The following TMEM204 variants were observed in gnomAD, a reference collection of about 807,000 sequenced individuals.
TMEM204 encodes the protein claudin-like protein 24.
In TMEM204, 15 loss-of-function variants were observed where a neutral mutation model predicts 19.4. The ratio of observed to expected loss-of-function variants is 0.77; its 90% confidence interval spans 0.52 to 1.19. The LOEUF is 1.19. Ranked by LOEUF, TMEM204 falls within the 50% of genes most tolerant of loss-of-function variation. The pLI, the probability that TMEM204 is intolerant of heterozygous loss-of-function variation, is 0.00. For synonymous variants in TMEM204, 161 were observed against 146.0 expected, an observed-to-expected ratio of 1.10 and a Z score of -0.74; for missense variants, 287 against 321.2, an observed-to-expected ratio of 0.89 and a Z score of 0.81.
intron 2 of TMEM204, among the ~76,000 whole-genome samples, chr16:1,545,491 C>T (rs984160271): frequency 6.6e-6 from 1 of 152,218 alleles, no homozygotes; most frequent in African/African-American, 2.4e-5. Context: ...TTTCTTCTAT[C>T]ATGTTGCTAA....
At position 1,538,348 on chromosome 16, in the gene TMEM204, C is replaced by G. The variant is rs748500328; in HGVS notation, c.281-3573C>G. Among the ~76,000 whole-genome samples, 28 of 152,170 alleles carry G rather than the reference C, an allele frequency of 1.8e-4. 1 individual carries two copies. Among genetic ancestry groups the G allele is most frequent in the Non-Finnish European group, 3.2e-4 (22 of 68,020 alleles). The stretch of plus-strand genomic sequence containing the variant: ...AAGGCTGAGAGGCCAGGGCTGAGGG[C>G]GAGAGGACAGGTCAGGGGTGCGTCT... On this transcript the variant is annotated intron_variant, in intron 1 of 2. Coordinates refer to ENST00000566264, the MANE Select transcript of TMEM204 (RefSeq NM_024600.6).
chr16:1,531,473 G>A (rs1277842450), upstream of TMEM204: 1 of 152,268 alleles, frequency 6.6e-6, no homozygotes, highest in East Asian at 1.9e-4. This position sits in a 1 kb window ranked among gnomAD's most constrained non-coding sequence, Gnocchi z 4.7. Context: ...GGAGCCGCAG[G>A]CACATATGTG....
chr16:1,540,138 G>A (rs1332102570), intron 1 of TMEM204, among the ~76,000 whole-genome samples: 1 of 152,202 alleles, frequency 6.6e-6, no homozygotes, highest in African/African-American at 2.4e-5. Context: ...AGACTGAGAC[G>A]ATCCCACACA....
chr16:1,553,957 A>G lies in TMEM204; in HGVS notation c.437-825A>G, dbSNP rs2032884328. On this transcript the variant is annotated intron_variant, in intron 2 of 2. Coordinates refer to ENST00000566264, the MANE Select transcript of TMEM204 (RefSeq NM_024600.6). The surrounding 1 kb of genome is among the most constrained non-coding windows in gnomAD (Gnocchi z 4.4). ...AAGATAAAACTGTAAGTGAAACTGT[A>G]GCATCAGCGACTAACTAGACGGGAA... 2.3e-6 allele frequency: 3 copies of G among 1,287,002 alleles called. No homozygotes were observed. The East Asian group carries it at 1.7e-4, about 71-fold the overall frequency. The allele number at this position is 1,287,002 out of a possible 1,614,324, so 79.7% of individuals were successfully genotyped here.
intron 2 of TMEM204, among the ~76,000 whole-genome samples, chr16:1,546,437 C>A (rs987892002): frequency 6.6e-6 from 1 of 152,184 alleles, no homozygotes; most frequent in African/African-American, 2.4e-5. Context: ...CCTGGACGAG[C>A]CCCCCTTCCC....
intron 1 of TMEM204, 34 bp from the exon 2 acceptor site, chr16:1,541,887 C>A: frequency 6.4e-7 from 1 of 1,555,784 alleles, no homozygotes. Flanking sequence ...AGCCCACCTG[C>A]ACTCACCACT....
rs755201106 is a variant in TMEM204 at position 1,555,014 on chromosome 16, G to A, written c.669G>A (p.Glu223=). The change falls in exon 3 of 3, where the codon GAG becomes GAA. Residue 223 remains glutamate, a synonymous_variant. Coordinates refer to ENST00000566264, the MANE Select transcript of TMEM204 (RefSeq NM_024600.6). Reference sequence around the variant, plus strand: ...GTGGGCTGGACAATGACTACGTGGAGTCACCATGCTGAGTCGCCCTTCTCA... The same window carrying A: ...GTGGGCTGGACAATGACTACGTGGAATCACCATGCTGAGTCGCCCTTCTCA... ...FRRGLDNDYV[E]SPC 3 of 1,611,222 alleles carry A rather than the reference G, an allele frequency of 1.9e-6. No individual in the cohort carries two copies. The highest frequency in any genetic ancestry group is 2.5e-6 in the Non-Finnish European group (3 of 1,179,128).
At chr16:1,529,484 C>T (rs532864456), upstream of TMEM204, among the ~76,000 whole-genome samples, 2 of 152,324 alleles carry the variant, frequency 1.3e-5, no homozygotes, top group African/African-American at 4.8e-5. Flanking sequence ...GCATGGGACC[C>T]CAGGGAGGTG....
chr16:1,540,765 T>A (rs2031555763), intron 1 of TMEM204: 2 of 919,686 alleles, frequency 2.2e-6, no homozygotes, highest in Non-Finnish European at 1.3e-6. Flanking sequence ...GCAAGTCATT[T>A]AAAAAGGTGC....
In TMEM204 at chr16:1,552,880, C is replaced by T. The variant is rs1050990242; in HGVS notation, c.437-1902C>T. The stretch of plus-strand genomic sequence containing the variant: ...ATCTTGGCCAGGCTGGTCTTGAACT[C>T]GTGACCTCGTGATCCACCCGCCTCA... On this transcript the variant is annotated intron_variant, in intron 2 of 2. Coordinates refer to ENST00000566264, the MANE Select transcript of TMEM204 (RefSeq NM_024600.6). 6 of 736,302 alleles carry T rather than the reference C, an allele frequency of 8.1e-6. 1 individual carries two copies. In the South Asian group the frequency reaches 1.9e-4, roughly 23 times the overall value. The allele number at this position is 736,302 out of a possible 1,614,324, so 45.6% of individuals were successfully genotyped here.
chr16:1,540,359 C>T lies in TMEM204; in HGVS notation c.281-1562C>T, dbSNP rs370985787. ...ATACTTCTAACCACGTAAACACTCA[C>T]GAAGTAAAGCAGCCCGCATCCCCCA... On this transcript the variant is annotated intron_variant, in intron 1 of 2. Transcript: ENST00000566264. Among the ~76,000 whole-genome samples the T allele has an allele frequency of 5.9e-5, 9 of 152,350 alleles. No homozygotes were observed. The East Asian group carries it at 7.7e-4, about 13-fold the overall frequency.
At chr16:1,536,453 C>T (rs1056138527) in intron 1 of TMEM204, among the ~76,000 whole-genome samples, 1 of 152,200 alleles carries the variant, frequency 6.6e-6, no homozygotes, top group South Asian at 2.1e-4. Context: ...ACAATATTTA[C>T]AACATCCTCC....
intron 2 of TMEM204, among the ~76,000 whole-genome samples, chr16:1,545,157 G>A (rs2032060914): frequency 6.6e-6 from 1 of 152,244 alleles, no homozygotes; most frequent in South Asian, 2.1e-4. Context: ...GCATTCCCGG[G>A]GGACAGGGCT....
At chr16:1,544,386 T>C (rs975098570) in intron 2 of TMEM204, among the ~76,000 whole-genome samples, 14 of 151,774 alleles carry the variant, frequency 9.2e-5, no homozygotes, top group South Asian at 8.3e-4. Flanking sequence ...GGGGTTTCAC[T>C]ATGTTCGCCA....
At chr16:1,546,467 G>A (rs2032181698) in intron 2 of TMEM204, among the ~76,000 whole-genome samples, 1 of 152,204 alleles carries the variant, frequency 6.6e-6, no homozygotes, top group Non-Finnish European at 1.5e-5. Flanking sequence ...TCTGTGCAGT[G>A]GAGAGTGACC....
At chr16:1,545,511 C>T (rs764086859) in intron 2 of TMEM204, among the ~76,000 whole-genome samples, 18 of 151,878 alleles carry the variant, frequency 1.2e-4, no homozygotes, top group African/African-American at 2.9e-4. Flanking sequence ...ATTTTAGAGT[C>T]GGGTTTTTTT....
chr16:1,532,837 C>T (rs1452619009), upstream of TMEM204: 1 of 152,276 alleles, frequency 6.6e-6, no homozygotes, highest in Non-Finnish European at 1.5e-5. Context: ...TCTGAGCTCC[C>T]TGGCAGCATA....
Position 1,551,706 on chromosome 16 carries a change from C to T in TMEM204, c.437-3076C>T, listed in dbSNP as rs570776443. On this transcript the variant is annotated intron_variant, in intron 2 of 2. Coordinates refer to ENST00000566264, the MANE Select transcript of TMEM204 (RefSeq NM_024600.6). The surrounding 1 kb of genome is among the most constrained non-coding windows in gnomAD (Gnocchi z 4.0). ...ACGGAAGAGCCTAAGATCAGCGGCA[C>T]TTCAGTCTTCTACGGGGTTTTGTTG... Among the ~76,000 whole-genome samples, 1 of 152,302 alleles carries T rather than the reference C, an allele frequency of 6.6e-6. No individual in the cohort carries two copies. The highest frequency in any genetic ancestry group is 6.5e-5 in the Admixed American group (1 of 15,300).
intron 2 of TMEM204, among the ~76,000 whole-genome samples, chr16:1,544,586 T>C (rs952524732): frequency 9.2e-5 from 14 of 151,958 alleles, no homozygotes; most frequent in Non-Finnish European, 1.9e-4. Flanking sequence ...CACCTCAGCC[T>C]CCCAAAGTGC....
Sources: allele counts gnomAD v4.1 joint callset (sites outside exome capture counted in the v4.1 genomes callset), GRCh38; gene constraint gnomAD v4.1.1; non-coding constraint Gnocchi (gnomAD v3.1); transcripts MANE v1.5; gene names NCBI Gene and HGNC (gene_info 2026-07-23, HGNC 2026-07-21).